AP3D1: variants seen among roughly 807,000 people sequenced by gnomAD.
AP3D1 encodes AP-3 complex subunit delta-1.
A neutral mutation model predicts 147.6 loss-of-function variants in AP3D1; 51 were observed. The observed-to-expected ratio is 0.35, with a 90% CI of 0.28 to 0.44. The LOEUF is 0.44. AP3D1 is among the 20% of genes least tolerant of loss of function. AP3D1 has a pLI of 1.00. For synonymous variants in AP3D1, 760 were observed against 663.0 expected (o/e 1.15, Z -2.25); for missense variants, 1,421 against 1,624.2 (o/e 0.87, Z 2.15).
intron 24 of AP3D1, 110 bp downstream of exon 24, chr19:2,112,750 G>A (rs2018320083): frequency 7.8e-6 from 6 of 766,324 alleles, no homozygotes; most frequent in Non-Finnish European, 1.2e-5. Flanking sequence ...ACACAAATGC[G>A]AGAGCAGGGC....
At chr19:2,120,619 C>T (rs944393099) in intron 14 of AP3D1, among the ~76,000 whole-genome samples, 3 of 152,206 alleles carry the variant, frequency 2.0e-5, no homozygotes, top group African/African-American at 7.2e-5. Context: ...TCTACAATCT[C>T]CTGGGAACGC....
chr19:2,115,544 C>A lies in AP3D1; in HGVS notation c.2143G>T (p.Val715Phe), dbSNP rs2018421838. ...VQIDLSVPLKVPGLPMSDQYV... is the reference protein window; with the variant it reads ...VQIDLSVPLKFPGLPMSDQYV... ...ACACACCGGAGACACTTGCCTGGAA[C>A]CTTCAAGGGGACGGAGAGGTCAATC... Residue 715 changes from valine to phenylalanine, a missense_variant, in exon 19 of 32, where the codon GTT becomes TTT. This residue lies in a region of AP3D1 where 791 missense variants were observed against 761.4 expected (regional missense o/e 1.04). Transcript: ENST00000643116. 1.2e-6 allele frequency: 2 copies of A among 1,613,220 alleles called. No individual in the cohort carries two copies. The highest frequency in any genetic ancestry group is 1.7e-6 in the Non-Finnish European group (2 of 1,179,816).
intron 1 of AP3D1, among the ~76,000 whole-genome samples, chr19:2,147,665 G>A (rs2019395958): frequency 6.6e-6 from 1 of 151,854 alleles, no homozygotes; most frequent in Admixed American, 6.6e-5. Flanking sequence ...GGAGGCAAAG[G>A]TGGGCAGATC....
intron 14 of AP3D1, 88 bp downstream of exon 14, chr19:2,120,774 G>T: frequency 7.4e-7 from 1 of 1,356,206 alleles, no homozygotes; most frequent in Non-Finnish European, 1.0e-6. Flanking sequence ...ATGGGAGACG[G>T]TAGGAAGGAT....
intron 23 of AP3D1, 173 bp downstream of exon 23, chr19:2,113,153 CCCCTGCTTGG>C (rs758573069): frequency 3.2e-6 from 2 of 628,120 alleles, no homozygotes; most frequent in Non-Finnish European, 5.5e-6. Flanking sequence ...CTTCCCCTGG[CCCCTGCTTGG>C]CCCACTGGGA....
intron 4 of AP3D1, 24 bp from the exon 5 acceptor site, chr19:2,132,602 G>A (rs766691768): frequency 8.8e-6 from 14 of 1,587,544 alleles, no homozygotes; most frequent in African/African-American, 4.0e-5. Flanking sequence ...GAAAGGGGCC[G>A]TGGCCAGGAT....
chr19:2,135,492 C>T (rs1340729099), intron 4 of AP3D1, among the ~76,000 whole-genome samples: 2 of 152,196 alleles, frequency 1.3e-5, no homozygotes, highest in African/African-American at 4.8e-5. Context: ...GCCGACATCA[C>T]GCCACTGCTC....
intron 31 of AP3D1, among the ~76,000 whole-genome samples, chr19:2,104,672 T>G (rs977859756): frequency 1.4e-5 from 2 of 138,768 alleles, no homozygotes; most frequent in Non-Finnish European, 3.2e-5. Flanking sequence ...ACAAGTTTTT[T>G]TTTTTTTTTT....
chr19:2,129,799 G>A (rs2018885121), intron 6 of AP3D1, among the ~76,000 whole-genome samples: 1 of 152,240 alleles, frequency 6.6e-6, no homozygotes, highest in South Asian at 2.1e-4. Context: ...CAGCCATCGG[G>A]GCTCAGGGAG....
At chr19:2,125,832 C>T (rs1398021613) in intron 9 of AP3D1, among the ~76,000 whole-genome samples, 3 of 133,242 alleles carry the variant, frequency 2.3e-5, no homozygotes, top group African/African-American at 9.7e-5. Context: ...CTAAGTAAAG[C>T]TAGAAAAAAA....
chr19:2,123,110 C>G (rs1457993093), intron 11 of AP3D1, among the ~76,000 whole-genome samples: 1 of 152,252 alleles, frequency 6.6e-6, no homozygotes, highest in Admixed American at 6.5e-5. Context: ...TTGCCATGCC[C>G]CCTGCATCTC....
In AP3D1 at chr19:2,102,213, T is replaced by A. The variant is rs781148726; in HGVS notation, c.3608A>T (p.Asn1203Ile). Residue 1203 changes from asparagine to isoleucine, a missense_variant, in exon 32 of 32, where the codon AAC becomes ATC. By Grantham distance (149) the Asn-to-Ile change is moderately radical (BLOSUM62 -3). Transcript: ENST00000643116. ...GKCSDSTLLS[N>I]LLEEMKATLA... ...CGTCGCCTTCATCTCTTCTAACAAG[T>A]TGCTCAGTAGCGTGGAGTCACTGCA... 1 of 1,614,098 alleles carries A rather than the reference T, an allele frequency of 6.2e-7. No homozygotes were observed. The highest frequency in any genetic ancestry group is 2.2e-5 in the East Asian group (1 of 44,882).
intron 31 of AP3D1, among the ~76,000 whole-genome samples, chr19:2,104,384 GCACCAACTCCAAGA>G (rs1447185956): frequency 9.7e-6 from 1 of 103,182 alleles, no homozygotes; most frequent in East Asian, 2.9e-4. Context: ...CAACGCCAAG[GCACCAACTCCAAGA>G]CGCCAACACC....
intron 31 of AP3D1, among the ~76,000 whole-genome samples, chr19:2,104,517 T>TGCCAAGACACCAACACCCAGACCCCAAC (rs1401875592): frequency 5.0e-5 from 5 of 100,050 alleles, no homozygotes; most frequent in African/African-American, 8.4e-5. Context: ...CAGACCCCAA[T>TGCCAAGACACCAACACCCAGACCCCAAC]GCCAAGACAC....
At chr19:2,164,030 CGCGGCGGCG>C (rs576715318) in intron 1 of AP3D1, 3 of 301,056 alleles carry the variant, frequency 1.0e-5, no homozygotes, top group South Asian at 2.5e-4. Flanking sequence ...CGGACCGGAG[CGCGGCGGCG>C]GCGGCGGCGG....
intron 1 of AP3D1, among the ~76,000 whole-genome samples, chr19:2,156,649 G>T (rs2019647679): frequency 6.6e-6 from 1 of 152,004 alleles, no homozygotes; most frequent in Non-Finnish European, 1.5e-5. Flanking sequence ...AGGAGATCGA[G>T]ACCATCCTGG....
rs775297475 is a variant in AP3D1, at chr19:2,121,013, C to T, written c.1330G>A (p.Val444Met). The change falls in exon 14 of 32, where the codon GTG (valine) becomes ATG (methionine). Residue 444 changes from valine to methionine, a missense_variant. Around this residue, in one of 6 missense-constraint regions of AP3D1, gnomAD observed 310 missense variants for 388.1 expected, o/e 0.80. Coordinates refer to ENST00000643116, the MANE Select transcript of AP3D1 (RefSeq NM_001261826.3). Reference protein sequence around the residue: ...GHLIAAQMLDVAIRVKAIRKF... With the variant: ...GHLIAAQMLDMAIRVKAIRKF... ...CGGATGGCCTTCACGCGGATGGCCA[C>T]GTCCAGCATTTGGGCGGCGATGAGG... The T allele has an allele frequency of 5.6e-6, 9 of 1,612,378 alleles. No homozygotes were observed. The highest frequency in any genetic ancestry group is 1.7e-5 in the Admixed American group (1 of 60,010).
chr19:2,117,422 C>T, intron 15 of AP3D1, 55 bp from the exon 16 acceptor site: 1 of 1,504,234 alleles, frequency 6.6e-7, no homozygotes, highest in South Asian at 1.3e-5. Flanking sequence ...CACTCGGCCA[C>T]CTTCAGGGAC....
chr19:2,141,235 C>T (rs1451459079), intron 1 of AP3D1, among the ~76,000 whole-genome samples: 2 of 152,050 alleles, frequency 1.3e-5, no homozygotes, highest in African/African-American at 2.4e-5. Context: ...TCTCAAACAC[C>T]TCAGCTAGTT....
Sources: gnomAD v4.1 joint callset for allele counts (sites outside exome capture counted in the v4.1 genomes callset) on GRCh38, gnomAD v4.1.1 for gene constraint, gnomAD v4.1.1 regional missense constraint, MANE v1.5 for transcripts, NCBI Gene and HGNC (gene_info 2026-07-23, HGNC 2026-07-21) for gene names.